The following TBC1D4 variants were observed in gnomAD, a reference collection of about 807,000 sequenced individuals.
TBC1D4 encodes the protein TBC (Tre-2, BUB2, CDC16) domain-containing protein.
TBC1D4 carries 121 observed loss-of-function variants against 142.5 expected under a neutral mutation model. The observed-to-expected ratio is 0.85, with a 90% CI of 0.73 to 0.99. The LOEUF is 0.99. Among genes scored for constraint, TBC1D4 ranks in the 50% least tolerant of loss-of-function variants. The pLI, the probability that TBC1D4 is intolerant of heterozygous loss-of-function variation, is 0.00. For missense variants in TBC1D4, 1,475 were observed against 1,606.6 expected (o/e 0.92, Z 1.40); for synonymous variants, 630 against 628.2 (o/e 1.00, Z -0.04).
chr13:75,481,961 G>T lies in TBC1D4; in HGVS notation c.-194C>A. On this transcript the variant is annotated 5_prime_UTR_variant, in exon 1 of 21. Coordinates refer to ENST00000377636, the MANE Select transcript of TBC1D4 (RefSeq NM_014832.5). Reference sequence around the variant, plus strand: ...GCACTTCCACGGGCGCGGCTCGGAGGCTCCGGCGGCGGGCACCGAGGCAAG... The same window carrying T: ...GCACTTCCACGGGCGCGGCTCGGAGTCTCCGGCGGCGGGCACCGAGGCAAG... 1.3e-6 allele frequency: 1 copy of T among 790,776 alleles called. No individual in the cohort carries two copies. The highest frequency in any genetic ancestry group is 1.7e-6 in the Non-Finnish European group (1 of 583,284). The allele number at this position is 790,776 out of a possible 1,614,324, so 49.0% of individuals were successfully genotyped here. A position where few individuals can be genotyped will look rare whatever the true frequency, so the allele number is the denominator to read the frequency against.
At chr13:75,349,414 T>C in intron 4 of TBC1D4, 112 bp from the exon 5 acceptor site, 2 of 1,395,332 alleles carry the variant, frequency 1.4e-6, no homozygotes, top group South Asian at 2.4e-5. Context: ...AATAATAGAA[T>C]TTTGATGACT....
At chr13:75,391,646 G>T (rs1884496633) in intron 1 of TBC1D4, among the ~76,000 whole-genome samples, 1 of 152,098 alleles carries the variant, frequency 6.6e-6, no homozygotes, top group South Asian at 2.1e-4. Context: ...AATCCTTGGG[G>T]CTACCCAGGG....
chr13:75,337,106 T>C (rs1311901195), intron 7 of TBC1D4, 66 bp from the exon 8 acceptor site: 17 of 1,465,654 alleles, frequency 1.2e-5, no homozygotes, highest in Non-Finnish European at 1.6e-5. Context: ...ACTTTAATTA[T>C]AGGCTTAAGA....
At chr13:75,295,905 ACTT>A (rs1259218077) in intron 17 of TBC1D4, among the ~76,000 whole-genome samples, 3 of 152,192 alleles carry the variant, frequency 2.0e-5, no homozygotes, top group African/African-American at 7.2e-5. Context: ...ATCTAGCAGA[ACTT>A]CTTTCACTAG....
At chr13:75,425,979 AAAGTT>A (rs1886357148) in intron 1 of TBC1D4, among the ~76,000 whole-genome samples, 1 of 152,156 alleles carries the variant, frequency 6.6e-6, no homozygotes, top group Non-Finnish European at 1.5e-5. Context: ...ACCACACAAA[AAAGTT>A]AAGAATGTGA....
chr13:75,418,577 C>T (rs993418704), intron 1 of TBC1D4, among the ~76,000 whole-genome samples: 14 of 152,260 alleles, frequency 9.2e-5, no homozygotes, highest in African/African-American at 3.1e-4. Flanking sequence ...CCAAAGAGGT[C>T]TGTGTTCTTA....
chr13:75,416,278 T>C (rs1335425731), intron 1 of TBC1D4, among the ~76,000 whole-genome samples: 1 of 152,242 alleles, frequency 6.6e-6, no homozygotes, highest in African/African-American at 2.4e-5. Flanking sequence ...TGCAGTATCT[T>C]TATAGCCTCT....
chr13:75,318,150 C>G (rs1454824121), intron 12 of TBC1D4, among the ~76,000 whole-genome samples: 2 of 152,232 alleles, frequency 1.3e-5, no homozygotes, highest in Non-Finnish European at 2.9e-5. Context: ...TGACCACTCA[C>G]AGAGACTCAA....
intron 1 of TBC1D4, among the ~76,000 whole-genome samples, chr13:75,449,899 T>C (rs1284180357): frequency 6.6e-6 from 1 of 152,136 alleles, no homozygotes; most frequent in African/African-American, 2.4e-5. Context: ...GTACATAGTT[T>C]TAATGTGTAT....
intron 18 of TBC1D4, among the ~76,000 whole-genome samples, chr13:75,292,505 A>G (rs1192160285): frequency 1.3e-5 from 2 of 152,186 alleles, no homozygotes; most frequent in Non-Finnish European, 1.5e-5. Flanking sequence ...GACAAAGTAT[A>G]TATCTCTGTC....
rs968299523 is a variant in TBC1D4, at chr13:75,286,725, G to A, written c.*67C>T. ...CTTCAGGGTCCAGCCTTGGGCCAGC[G>A]ACATGCAGGCTCTTCCTCTCTGTAG... On this transcript the variant is annotated 3_prime_UTR_variant, in exon 21 of 21. Transcript: ENST00000377636. 11 of 1,504,996 alleles carry A rather than the reference G, an allele frequency of 7.3e-6. No homozygotes were observed. Among genetic ancestry groups the A allele is most frequent in the African/African-American group, 6.9e-5 (5 of 72,492 alleles). The allele number at this position is 1,504,996 out of a possible 1,614,324, so 93.2% of individuals were successfully genotyped here.
chr13:75,356,390 G>A, intron 3 of TBC1D4, 139 bp from the exon 4 acceptor site: 1 of 714,052 alleles, frequency 1.4e-6, no homozygotes, highest in Non-Finnish European at 2.5e-6. Flanking sequence ...GGGACATAAT[G>A]CCATAGCAAA....
chr13:75,442,126 T>C (rs919444819), intron 1 of TBC1D4, among the ~76,000 whole-genome samples: 7 of 152,270 alleles, frequency 4.6e-5, no homozygotes, highest in Middle Eastern at 3.4e-3. Flanking sequence ...ACCTCCTCAA[T>C]AATATAGGGT....
intron 1 of TBC1D4, among the ~76,000 whole-genome samples, chr13:75,427,092 ATT>A (rs34413653): frequency 2.1e-5 from 3 of 142,644 alleles, no homozygotes; most frequent in Admixed American, 7.0e-5. Context: ...AAATATAAAC[ATT>A]TTTTTTTTTT....
At chr13:75,431,739 G>A (rs1383247361) in intron 1 of TBC1D4, among the ~76,000 whole-genome samples, 2 of 152,096 alleles carry the variant, frequency 1.3e-5, no homozygotes, top group African/African-American at 4.8e-5. Context: ...CCTTTTCACT[G>A]AATTAACATT....
Position 75,480,170 on chromosome 13 carries a change from A to C in TBC1D4, c.498+1100T>G, listed in dbSNP as rs1038929153. On this transcript the variant is annotated intron_variant, in intron 1 of 20. Transcript: ENST00000377636. ...ATTACAGACAGAAGAATTGTGAAAT[A>C]AAAAAAATTAAAGCCATATTTATAG... Among the ~76,000 whole-genome samples the C allele has an allele frequency of 5.3e-5, 8 of 151,982 alleles. No individual in the cohort carries two copies. The East Asian group carries it at 1.5e-3, about 29-fold the overall frequency.
chr13:75,474,297 C>A (rs1888538098), intron 1 of TBC1D4, among the ~76,000 whole-genome samples: 1 of 152,204 alleles, frequency 6.6e-6, no homozygotes, highest in Admixed American at 6.5e-5. Flanking sequence ...CAGTGGCTCA[C>A]GCCTGTAATC....
In TBC1D4 at chr13:75,283,987, G is replaced by GCTCACTGCAAT; in HGVS notation, c.*2804_*2805insATTGCAGTGAG. ...ATGGCTCACTGCAAGCTCACTGCAA[G>GCTCACTGCAAT]CTCCGCCTCCCAGGTTCAAACTATT... On this transcript the variant is annotated 3_prime_UTR_variant, in exon 21 of 21. Transcript: ENST00000377636. 6.6e-6 allele frequency among the ~76,000 whole-genome samples: 1 copy of GCTCACTGCAAT among 152,056 alleles called. No homozygotes were observed. Among genetic ancestry groups the GCTCACTGCAAT allele is most frequent in the East Asian group, 1.9e-4 (1 of 5,154 alleles).
At chr13:75,335,525 C>CCCT (rs1566392409) in intron 8 of TBC1D4, among the ~76,000 whole-genome samples, 7 of 145,866 alleles carry the variant, frequency 4.8e-5, no homozygotes, top group African/African-American at 1.9e-4. Context: ...GGTTTGGATC[C>CCCT]GCCCAAATCT....
Sources: allele counts gnomAD v4.1 joint callset (sites outside exome capture counted in the v4.1 genomes callset), GRCh38; gene constraint gnomAD v4.1.1; transcripts MANE v1.5; gene names NCBI Gene and HGNC (gene_info 2026-07-23, HGNC 2026-07-21).